Variants in KIAA0753 observed in about 807,000 individuals in gnomAD.
The protein encoded by KIAA0753 is KIAA0753, also known as protein moonraker.
A neutral mutation model predicts 116.9 loss-of-function variants in KIAA0753; 114 were observed. The observed-to-expected ratio is 0.98, with a 90% CI of 0.84 to 1.14. The LOEUF (loss-of-function observed/expected upper bound fraction) is 1.14, where lower values mean the gene tolerates loss of function less well. KIAA0753 is among the 50% of genes most tolerant of loss of function. The pLI, the probability that KIAA0753 is intolerant of heterozygous loss-of-function variation, is 0.00. For synonymous variants in KIAA0753, 405 were observed against 413.1 expected, an observed-to-expected ratio of 0.98 and a Z score of 0.24; for missense variants, 1,156 against 1,172.4, an observed-to-expected ratio of 0.99 and a Z score of 0.20.
intron 3 of KIAA0753, among the ~76,000 whole-genome samples, chr17:6,626,419 G>A (rs867163026): frequency 2.0e-5 from 3 of 152,224 alleles, no homozygotes; most frequent in Non-Finnish European, 2.9e-5. Flanking sequence ...TGTAGATACA[G>A]ATGCAGTCTC....
intron 12 of KIAA0753, 119 bp from the exon 13 acceptor site, chr17:6,600,577 A>C: frequency 1.4e-6 from 1 of 695,218 alleles, no homozygotes; most frequent in Admixed American, 2.5e-5. Context: ...CTAACCGTTC[A>C]TGGCCATATC....
chr17:6,585,295 T>C (rs1968491356), intron 18 of KIAA0753, among the ~76,000 whole-genome samples: 2 of 152,222 alleles, frequency 1.3e-5, no homozygotes, highest in Admixed American at 1.3e-4. Flanking sequence ...TTTCCTTATA[T>C]TGAGATGCTC....
chr17:6,634,571 T>C (rs775212271), intron 2 of KIAA0753, among the ~76,000 whole-genome samples: 3 of 152,196 alleles, frequency 2.0e-5, no homozygotes, highest in Non-Finnish European at 4.4e-5. Context: ...TGAAATATAA[T>C]GGAATCTAGG....
chr17:6,587,254 A>T (rs938619929), intron 18 of KIAA0753, among the ~76,000 whole-genome samples: 6 of 152,104 alleles, frequency 3.9e-5, no homozygotes, highest in Admixed American at 1.3e-4. Context: ...ATAAAATAAT[A>T]AAAAAAGAAG....
intron 3 of KIAA0753, among the ~76,000 whole-genome samples, chr17:6,627,772 A>G (rs1971763036): frequency 6.6e-6 from 1 of 152,242 alleles, no homozygotes. Context: ...TTTTCCCAGA[A>G]GAGGGAAAAC....
At chr17:6,584,320 C>T (rs1254100702) in intron 18 of KIAA0753, among the ~76,000 whole-genome samples, 1 of 152,190 alleles carries the variant, frequency 6.6e-6, no homozygotes, top group Non-Finnish European at 1.5e-5. Context: ...CTTCTTGATG[C>T]CTTCAAGAAT....
chr17:6,586,417 A>G (rs1271976130), intron 18 of KIAA0753, among the ~76,000 whole-genome samples: 2 of 152,204 alleles, frequency 1.3e-5, no homozygotes, highest in Admixed American at 6.5e-5. Flanking sequence ...TTTACAGATA[A>G]ACTTGGTTCT....
intron 16 of KIAA0753, among the ~76,000 whole-genome samples, chr17:6,593,547 C>A (rs1189902835): frequency 6.6e-6 from 1 of 151,738 alleles, no homozygotes; most frequent in African/African-American, 2.4e-5. Context: ...CACCTGGAAT[C>A]CCAGCACTTC....
At chr17:6,597,242 A>C (rs186206481) in intron 14 of KIAA0753, among the ~76,000 whole-genome samples, 469 of 152,344 alleles carry the variant, frequency 3.1e-3, no homozygotes, top group African/African-American at 0.01. Flanking sequence ...GATTCACAGA[A>C]GAAAATATGT....
chr17:6,615,227 G>A lies in KIAA0753; in HGVS notation c.1316-3079C>T, dbSNP rs149899764. On this transcript the variant is annotated intron_variant, in intron 7 of 18. Coordinates refer to ENST00000361413, the MANE Select transcript of KIAA0753 (RefSeq NM_014804.3). ...TGGGATTACAGGCGTGAGCCACTGC[G>A]CCTGGCCCATAAGTTTTAAAATGTG... Among the ~76,000 whole-genome samples, 236 of 152,242 alleles carry A rather than the reference G, an allele frequency of 1.6e-3. 4 individuals carry two copies. In the East Asian group the frequency reaches 0.039, roughly 25 times the overall value.
rs560566089 is a variant in KIAA0753, at chr17:6,630,752, T to C, written c.94-2011A>G. Among the ~76,000 whole-genome samples, 3 of 152,218 alleles carry C rather than the reference T, an allele frequency of 2.0e-5. No individual in the cohort carries two copies. The South Asian group carries it at 6.2e-4, about 32-fold the overall frequency. Reference sequence around the variant, plus strand: ...GTAAAATGAAGATATAAAACAAAAATGAGGAAGATCTCTGTGACACTTCTA... The same window carrying C: ...GTAAAATGAAGATATAAAACAAAAACGAGGAAGATCTCTGTGACACTTCTA... On this transcript the variant is annotated intron_variant, in intron 2 of 18. Coordinates refer to ENST00000361413, the MANE Select transcript of KIAA0753 (RefSeq NM_014804.3).
chr17:6,603,533 A>C (rs12601689), intron 12 of KIAA0753, among the ~76,000 whole-genome samples: 98,791 of 152,140 alleles, frequency 0.65, 32,899 homozygotes, highest in African/African-American at 0.8. Flanking sequence ...TGTACTTTCC[A>C]CTCTTCTTCC....
intron 6 of KIAA0753, among the ~76,000 whole-genome samples, chr17:6,622,409 T>C (rs1018666378): frequency 6.6e-6 from 1 of 152,258 alleles, no homozygotes; most frequent in Non-Finnish European, 1.5e-5. Context: ...AATTCCTGTC[T>C]AATACATGCC....
chr17:6,579,641 TG>T lies in KIAA0753; in HGVS notation c.*105del, dbSNP rs1967993923. 1.3e-6 allele frequency: 1 copy of T among 769,024 alleles called. No individual in the cohort carries two copies. The highest frequency in any genetic ancestry group is 2.3e-6 in the Non-Finnish European group (1 of 442,166). 47.6% of individuals were successfully genotyped at this position (769,024 alleles called of 1,614,324 possible). On this transcript the variant is annotated 3_prime_UTR_variant, in exon 19 of 19. Coordinates refer to ENST00000361413, the MANE Select transcript of KIAA0753 (RefSeq NM_014804.3). ...CTTCCTTTCAGTGGGCAGCACCTTC[TG>T]GGCCTGGATGGACAGCTGAGGATGA...
chr17:6,608,687 C>T (rs1970345013), intron 9 of KIAA0753, among the ~76,000 whole-genome samples: 5 of 152,182 alleles, frequency 3.3e-5, no homozygotes, highest in Admixed American at 3.3e-4. Context: ...AAGCCATCAC[C>T]ATTTTAAATG....
intron 6 of KIAA0753, among the ~76,000 whole-genome samples, chr17:6,621,614 G>T (rs1208668676): frequency 6.6e-6 from 1 of 152,166 alleles, no homozygotes; most frequent in African/African-American, 2.4e-5. Context: ...AAAACATGCT[G>T]TGAAATGATG....
At chr17:6,584,665 T>C (rs1968434941) in intron 18 of KIAA0753, among the ~76,000 whole-genome samples, 1 of 152,202 alleles carries the variant, frequency 6.6e-6, no homozygotes, top group Non-Finnish European at 1.5e-5. Context: ...TTTTCTATGC[T>C]CACTGAAAAA....
chr17:6,617,070 A>C (rs1846985206), intron 7 of KIAA0753, among the ~76,000 whole-genome samples: 2 of 152,152 alleles, frequency 1.3e-5, no homozygotes, highest in Admixed American at 1.3e-4. Flanking sequence ...TTTAGCAAAC[A>C]CTTCTCTGTG....
chr17:6,595,117 T>G, intron 15 of KIAA0753, 64 bp from the exon 16 acceptor site: 1 of 1,153,094 alleles, frequency 8.7e-7, no homozygotes, highest in Non-Finnish European at 1.3e-6. Flanking sequence ...AAACCAGAAC[T>G]GGTAAAGATG....
Sources: gnomAD v4.1 joint callset for allele counts (sites outside exome capture counted in the v4.1 genomes callset) on GRCh38, gnomAD v4.1.1 for gene constraint, MANE v1.5 for transcripts, NCBI Gene and HGNC (gene_info 2026-07-23, HGNC 2026-07-21) for gene names.